RMST: variants seen among roughly 807,000 people sequenced by gnomAD.
RMST encodes long intergenic non-protein coding RNA 54.
chr12:97,481,713 C>T (rs916582162), intron 5 of RMST, among the ~76,000 whole-genome samples: 3 of 152,142 alleles, frequency 2.0e-5, no homozygotes, highest in Admixed American at 6.5e-5. Context: ...TTGTTCCATC[C>T]GTGCAAGTGT....
intron 10 of RMST, among the ~76,000 whole-genome samples, chr12:97,502,726 A>G (rs1878219167): frequency 6.6e-6 from 1 of 152,214 alleles, no homozygotes; most frequent in African/African-American, 2.4e-5. Flanking sequence ...AGCCTCCCAC[A>G]GTGCTGGGAT....
intron 10 of RMST, among the ~76,000 whole-genome samples, chr12:97,508,314 A>G (rs7956279): frequency 0.18 from 27,757 of 152,120 alleles, 4,952 homozygotes; most frequent in African/African-American, 0.46. Flanking sequence ...CACTAATGAA[A>G]CAACTCCTGG....
intron 5 of RMST, among the ~76,000 whole-genome samples, chr12:97,490,069 A>C (rs1398615638): frequency 1.3e-5 from 2 of 152,178 alleles, no homozygotes; most frequent in Non-Finnish European, 2.9e-5. Flanking sequence ...TAGTTTTCAC[A>C]TTTACAAACA....
At chr12:97,485,747 AG>A (rs1876020196) in intron 5 of RMST, among the ~76,000 whole-genome samples, 1 of 152,254 alleles carries the variant, frequency 6.6e-6, no homozygotes, top group African/African-American at 2.4e-5. Flanking sequence ...GAGGAGACAC[AG>A]TTCCATCTGT....
In RMST at chr12:97,487,300, A is replaced by G. The variant is rs562327486; in HGVS notation, n.645-5161A>G. ...TGACAGCAGGTCTATGGAGTAGCCA[A>G]TGAGAGACACTGGGTAGATGTGAGC... is the stretch of plus-strand genomic sequence containing the variant. On this transcript the variant is annotated intron_variant and non_coding_transcript_variant, in intron 5 of 13. Transcript: ENST00000640149. Among the ~76,000 whole-genome samples, 7 of 152,338 alleles carry G rather than the reference A, an allele frequency of 4.6e-5. No homozygotes were observed. The East Asian group carries it at 9.6e-4, about 21-fold the overall frequency.
At chr12:97,524,090 A>G (rs1467682953) in intron 10 of RMST, among the ~76,000 whole-genome samples, 4 of 147,410 alleles carry the variant, frequency 2.7e-5, no homozygotes, top group East Asian at 2.0e-4. Context: ...AAAAAAAAAA[A>G]AAAAAAAAAA....
At chr12:97,551,003 T>C (rs1314081728) in intron 11 of RMST, among the ~76,000 whole-genome samples, 1 of 152,098 alleles carries the variant, frequency 6.6e-6, no homozygotes, top group Non-Finnish European at 1.5e-5. Flanking sequence ...ACTTAACTAA[T>C]TGTGTCAAAT....
chr12:97,516,527 T>G (rs1305522836), intron 10 of RMST, among the ~76,000 whole-genome samples: 1 of 152,072 alleles, frequency 6.6e-6, no homozygotes, highest in Admixed American at 6.6e-5. Context: ...CTTTATAATT[T>G]ATAAAATTAA....
chr12:97,508,697 T>C (rs1592704500), intron 10 of RMST, among the ~76,000 whole-genome samples: 1 of 152,198 alleles, frequency 6.6e-6, no homozygotes, highest in Admixed American at 6.5e-5. Flanking sequence ...TTGATTTCTT[T>C]TTTAGCATCA....
chr12:97,528,170 G>A (rs12319629), intron 10 of RMST, among the ~76,000 whole-genome samples: 34,465 of 151,916 alleles, frequency 0.23, 5,634 homozygotes, highest in African/African-American at 0.45. Context: ...AGAAGAAAAT[G>A]CTTTCTAATT....
At chr12:97,549,708 G>C (rs2136644826) in intron 11 of RMST, among the ~76,000 whole-genome samples, 2 of 152,264 alleles carry the variant, frequency 1.3e-5, no homozygotes, top group South Asian at 4.1e-4. Flanking sequence ...TATCCCTGAA[G>C]GTTTTTCTGT....
intron 5 of RMST, among the ~76,000 whole-genome samples, chr12:97,487,551 G>A (rs536801318): frequency 6.6e-6 from 1 of 152,270 alleles, no homozygotes; most frequent in Non-Finnish European, 1.5e-5. Context: ...AAGCAGCTGG[G>A]GTGGAGAGAG....
At chr12:97,495,275 T>C (rs149212897) in intron 9 of RMST, among the ~76,000 whole-genome samples, 1 of 152,102 alleles carries the variant, frequency 6.6e-6, no homozygotes, top group East Asian at 1.9e-4. Flanking sequence ...CCAAAGACAA[T>C]GGCATATATA....
intron 10 of RMST, among the ~76,000 whole-genome samples, chr12:97,514,987 C>G (rs1879786321): frequency 6.6e-6 from 1 of 152,048 alleles, no homozygotes. Flanking sequence ...AGTTAATACT[C>G]ACTGTTTTCA....
intron 5 of RMST, among the ~76,000 whole-genome samples, chr12:97,479,831 G>A (rs1176735849): frequency 6.6e-6 from 1 of 152,026 alleles, no homozygotes; most frequent in African/African-American, 2.4e-5. Flanking sequence ...CTGCAGTTCA[G>A]ACTCAAATAT....
At chr12:97,519,562 T>C (rs1880299317) in intron 10 of RMST, among the ~76,000 whole-genome samples, 1 of 152,220 alleles carries the variant, frequency 6.6e-6, no homozygotes, top group Admixed American at 6.5e-5. Context: ...TCCACAATCG[T>C]ATAATTTTTT....
At chr12:97,512,289 G>A (rs543509540) in intron 10 of RMST, among the ~76,000 whole-genome samples, 236 of 152,282 alleles carry the variant, frequency 1.5e-3, no homozygotes, top group Non-Finnish European at 2.8e-3. Context: ...AGCTCATAAA[G>A]GCAGTGGGGA....
intron 5 of RMST, among the ~76,000 whole-genome samples, chr12:97,482,725 T>TTATTTATTTAATAAA (rs1875531386): frequency 1.6e-5 from 1 of 61,676 alleles, no homozygotes; most frequent in African/African-American, 6.1e-5. Context: ...TATTTATTTA[T>TTATTTATTTAATAAA]TAAATAAATT....
intron 5 of RMST, among the ~76,000 whole-genome samples, chr12:97,468,394 T>G (rs754524684): frequency 6.6e-6 from 1 of 152,056 alleles, no homozygotes; most frequent in Non-Finnish European, 1.5e-5. Context: ...CTTCTAAAGT[T>G]GCTAGACTTT....
Sources: allele counts gnomAD v4.1 joint callset (sites outside exome capture counted in the v4.1 genomes callset), GRCh38; gene constraint gnomAD v4.1.1; transcripts MANE v1.5; gene names NCBI Gene and HGNC (gene_info 2026-07-23, HGNC 2026-07-21).